Variants in CDH12 observed in about 807,000 individuals in gnomAD.
CDH12 encodes cadherin-12.
A neutral mutation model predicts 74.1 loss-of-function variants in CDH12; 41 were observed. The ratio of observed to expected loss-of-function variants is 0.55; its 90% CI spans 0.43 to 0.72. CDH12 has a LOEUF of 0.72. CDH12 is among the 30% of genes least tolerant of loss of function. CDH12 has a pLI of 0.00. For synonymous variants in CDH12, 399 were observed against 355.0 expected (o/e 1.12, Z -1.39); for missense variants, 945 against 977.2 (o/e 0.97, Z 0.44).
chr5:21,963,976 A>G (rs1756472501), intron 6 of CDH12, among the ~76,000 whole-genome samples: 1 of 152,050 alleles, frequency 6.6e-6, no homozygotes, highest in Non-Finnish European at 1.5e-5. Flanking sequence ...TATTCTTGGA[A>G]AGAGATGTTT....
chr5:22,637,561 A>G (rs1049509595), intron 1 of CDH12, among the ~76,000 whole-genome samples: 1 of 152,258 alleles, frequency 6.6e-6, no homozygotes, highest in Non-Finnish European at 1.5e-5. Flanking sequence ...AAAATACAGT[A>G]AATTGCCCAG....
At chr5:22,185,618 A>T (rs1287784096) in intron 4 of CDH12, among the ~76,000 whole-genome samples, 3 of 152,178 alleles carry the variant, frequency 2.0e-5, no homozygotes, top group Non-Finnish European at 4.4e-5. Flanking sequence ...TCTCAAACAC[A>T]TTTCCGTGTA....
intron 1 of CDH12, among the ~76,000 whole-genome samples, chr5:22,733,567 T>C (rs1744540884): frequency 6.6e-6 from 1 of 151,870 alleles, no homozygotes; most frequent in Non-Finnish European, 1.5e-5. Context: ...CATGATGTCA[T>C]ATTTTTGCCA....
intron 1 of CDH12, among the ~76,000 whole-genome samples, chr5:22,731,099 G>C (rs1205321989): frequency 6.6e-6 from 1 of 151,722 alleles, no homozygotes; most frequent in African/African-American, 2.4e-5. Context: ...CCACACTTTG[G>C]ACTTCTTAGA....
chr5:22,569,561 C>T (rs1739445004), intron 1 of CDH12, among the ~76,000 whole-genome samples: 1 of 152,324 alleles, frequency 6.6e-6, no homozygotes, highest in South Asian at 2.1e-4. Flanking sequence ...AATCCTGATA[C>T]TGCTCTATCA....
intron 1 of CDH12, among the ~76,000 whole-genome samples, chr5:22,702,210 T>C (rs1742748940): frequency 6.6e-6 from 1 of 152,102 alleles, no homozygotes; most frequent in Admixed American, 6.6e-5. Flanking sequence ...ATTATACTAG[T>C]CATTCATTCT....
At chr5:22,242,089 C>T (rs1051302117) in intron 3 of CDH12, among the ~76,000 whole-genome samples, 3 of 152,040 alleles carry the variant, frequency 2.0e-5, no homozygotes, top group South Asian at 4.1e-4. Flanking sequence ...CTTCATTCTA[C>T]GTTTTATTTG....
At chr5:22,420,739 G>T (rs1234915753) in intron 2 of CDH12, among the ~76,000 whole-genome samples, 2 of 152,070 alleles carry the variant, frequency 1.3e-5, no homozygotes, top group African/African-American at 2.4e-5. Flanking sequence ...AATGTCAATG[G>T]TAGTTTAATG....
intron 3 of CDH12, among the ~76,000 whole-genome samples, chr5:22,216,588 T>G (rs534360327): frequency 4.6e-5 from 7 of 152,004 alleles, no homozygotes; most frequent in Non-Finnish European, 7.4e-5. Context: ...AGCAGCAGCA[T>G]CAAGCTAATA....
At chr5:22,611,120 AT>A (rs2126826193) in intron 1 of CDH12, among the ~76,000 whole-genome samples, 1 of 152,166 alleles carries the variant, frequency 6.6e-6, no homozygotes, top group African/African-American at 2.4e-5. Flanking sequence ...GAAAACCTAT[AT>A]TTTTATCCTA....
intron 3 of CDH12, among the ~76,000 whole-genome samples, chr5:22,336,936 T>C (rs1198144270): frequency 6.6e-6 from 1 of 152,142 alleles, no homozygotes; most frequent in African/African-American, 2.4e-5. Flanking sequence ...AGATACTCAA[T>C]GCCAGCTGTG....
At chr5:21,986,710 T>C (rs1445140288) in intron 5 of CDH12, among the ~76,000 whole-genome samples, 2 of 152,144 alleles carry the variant, frequency 1.3e-5, no homozygotes, top group Non-Finnish European at 2.9e-5. Flanking sequence ...ACTATATAAA[T>C]GTATACGATT....
At chr5:22,564,726 T>C (rs1407636953) in intron 1 of CDH12, among the ~76,000 whole-genome samples, 3 of 152,194 alleles carry the variant, frequency 2.0e-5, no homozygotes, top group Non-Finnish European at 4.4e-5. Context: ...TTTATTTTCC[T>C]TTGATTTGTT....
Position 22,242,417 on chromosome 5 carries a change from A to G in CDH12, c.-332-29774T>C, listed in dbSNP as rs536147718. ...ATAACTCCTCATTTTAGCTAGGAGC[A>G]GGAATAATAAATTTCAGATACCTTG... On this transcript the variant is annotated intron_variant, in intron 3 of 14. Transcript: ENST00000382254. Among the ~76,000 whole-genome samples the G allele has an allele frequency of 2.3e-4, 35 of 152,284 alleles. No individual in the cohort carries two copies. The East Asian group carries it at 3.3e-3, about 14-fold the overall frequency.
At chr5:22,152,325 A>G (rs2150310644) in intron 4 of CDH12, 1 of 152,302 alleles carries the variant, frequency 6.6e-6, no homozygotes, top group South Asian at 2.1e-4. Flanking sequence ...TATGCTGAAC[A>G]TTAGACATAA....
In CDH12 at chr5:22,744,442, C is replaced by CA. The variant is rs543945758; in HGVS notation, c.-523+108615dup. Among the ~76,000 whole-genome samples the CA allele has an allele frequency of 8.6e-5, 13 of 151,048 alleles. 1 individual carries two copies. The highest frequency in any genetic ancestry group is 3.2e-3 in the Middle Eastern group (1 of 316). ...AGACTCCGTCTCAAAAAAAAACAAA[C>CA]AAAAAAAACTCCAGTATAATCATAC... is the stretch of plus-strand genomic sequence containing the variant. On this transcript the variant is annotated intron_variant, in intron 1 of 14. Transcript: ENST00000382254.
chr5:21,880,621 T>TCCTTCCTTCCTTCTTTCTC lies in CDH12; in HGVS notation c.527-25832_527-25831insGAGAAAGAAGGAAGGAAGG, dbSNP rs1561268481. 4.3e-4 allele frequency among the ~76,000 whole-genome samples: 21 copies of TCCTTCCTTCCTTCTTTCTC among 48,662 alleles called. No homozygotes were observed. The South Asian group carries it at 7.4e-3, about 17-fold the overall frequency. 31.9% of individuals were successfully genotyped at this position (48,662 alleles called of 152,430 possible). ...CTTCCTTCCTTCCTTCCTTCCTTCT[T>TCCTTCCTTCCTTCTTTCTC]TCTTTCTTTCTTTCTTTCTTTCTTT... On this transcript the variant is annotated intron_variant, in intron 6 of 14. Coordinates refer to ENST00000382254, the MANE Select transcript of CDH12 (RefSeq NM_004061.5).
chr5:22,487,876 T>A (rs1746675583), intron 2 of CDH12, among the ~76,000 whole-genome samples: 1 of 152,196 alleles, frequency 6.6e-6, no homozygotes, highest in Non-Finnish European at 1.5e-5. Context: ...CATACTAAAA[T>A]TTAACTTTTA....
At chr5:22,195,396 A>C (rs1750562267) in intron 4 of CDH12, among the ~76,000 whole-genome samples, 1 of 152,186 alleles carries the variant, frequency 6.6e-6, no homozygotes, top group Admixed American at 6.6e-5. Context: ...GTCTAAAGCT[A>C]CATAGGTAGT....
Sources: allele counts gnomAD v4.1 joint callset (sites outside exome capture counted in the v4.1 genomes callset), GRCh38; gene constraint gnomAD v4.1.1; transcripts MANE v1.5; gene names NCBI Gene and HGNC (gene_info 2026-07-23, HGNC 2026-07-21).